The following PADI2 variants were observed in gnomAD, a reference collection of about 807,000 sequenced individuals.
PADI2 encodes peptidyl arginine deiminase 2, also known as protein-arginine deiminase type-2.
Under a neutral mutation model 81.1 loss-of-function variants are expected in PADI2, and 70 were observed. That is an observed-to-expected ratio of 0.86 (90% CI 0.71 to 1.05). The LOEUF (loss-of-function observed/expected upper bound fraction) is 1.05, where lower values mean the gene tolerates loss of function less well. Ranked by LOEUF, PADI2 falls within the 50% of genes least tolerant of loss-of-function variation. The pLI is 0.00. For missense variants in PADI2, 853 were observed against 889.9 expected (o/e 0.96, Z 0.53); for synonymous variants, 338 against 358.0 (o/e 0.94, Z 0.63).
At chr1:17,076,225 T>C (rs2078301419) in intron 11 of PADI2, among the ~76,000 whole-genome samples, 1 of 152,062 alleles carries the variant, frequency 6.6e-6, no homozygotes, top group South Asian at 2.1e-4. Flanking sequence ...ATCTTTTTTT[T>C]TTCCCCCGAG....
At chr1:17,087,488 G>GTTTATTTATTTATTTATTTATTTA (rs372378095) in intron 6 of PADI2, among the ~76,000 whole-genome samples, 117 of 137,172 alleles carry the variant, frequency 8.5e-4, no homozygotes, top group Middle Eastern at 3.6e-3. Flanking sequence ...ATGTTTGTTT[G>GTTTATTTATTTATTTATTTATTTA]TTTGTTTATT....
chr1:17,111,249 G>A (rs1931570028), intron 1 of PADI2, among the ~76,000 whole-genome samples: 1 of 151,758 alleles, frequency 6.6e-6, no homozygotes, highest in Non-Finnish European at 1.5e-5. Flanking sequence ...CACCACGCCT[G>A]GCTATTTTTA....
intron 10 of PADI2, among the ~76,000 whole-genome samples, chr1:17,080,488 G>A (rs2647193): frequency 0.053 from 8,127 of 152,262 alleles, 726 homozygotes; most frequent in African/African-American, 0.18. Context: ...ACCACCAGCA[G>A]CAATCAACAT....
Position 17,092,550 on chromosome 1 carries a change from G to A in PADI2, c.530-17C>T. On this transcript the variant is annotated splice_polypyrimidine_tract_variant and intron_variant, in intron 5 of 15. Coordinates refer to ENST00000375486, the MANE Select transcript of PADI2 (RefSeq NM_007365.3). Reference sequence around the variant, plus strand: ...CCTTGAGATCTGAGGGACAGAAGGTGAGAATGAAGAGATCTATCTGTTGCT... The same window carrying A: ...CCTTGAGATCTGAGGGACAGAAGGTAAGAATGAAGAGATCTATCTGTTGCT... 1.3e-6 allele frequency: 2 copies of A among 1,566,494 alleles called. No homozygotes were observed. Among genetic ancestry groups the A allele is most frequent in the Non-Finnish European group, 1.7e-6 (2 of 1,157,206 alleles).
intron 13 of PADI2, among the ~76,000 whole-genome samples, chr1:17,073,416 CA>C (rs55941211): frequency 0.48 from 61,115 of 127,006 alleles, 13,753 homozygotes; most frequent in Non-Finnish European, 0.55. Flanking sequence ...GACTGTGTCT[CA>C]AAAAAAAAAA....
chr1:17,070,819 G>A (rs1412666034), intron 14 of PADI2, among the ~76,000 whole-genome samples: 5 of 151,980 alleles, frequency 3.3e-5, no homozygotes, highest in South Asian at 2.1e-4. Flanking sequence ...CTGCCACCAC[G>A]CCAGGCTAAT....
chr1:17,092,527 T>C lies in PADI2; in HGVS notation c.536A>G (p.Lys179Arg), dbSNP rs1325410135. 1 of 1,593,520 alleles carries C rather than the reference T, an allele frequency of 6.3e-7. No homozygotes were observed. The highest frequency in any genetic ancestry group is 1.8e-5 in the Admixed American group (1 of 56,468). The change falls in exon 6 of 16, where the codon AAG (lysine) becomes AGG (arginine). Residue 179 changes from lysine to arginine, a missense_variant. By Grantham distance (26) the Lys-to-Arg change is conservative (BLOSUM62 2). Coordinates refer to ENST00000375486, the MANE Select transcript of PADI2 (RefSeq NM_007365.3). ...DEKVYSKEDLKDMSQMILRTK... is the reference protein window; with the variant it reads ...DEKVYSKEDLRDMSQMILRTK... ...CCGCAGGATCATCTGGGACATGTCC[T>C]TGAGATCTGAGGGACAGAAGGTGAG...
rs1440744412 is a variant in PADI2 at position 17,107,558 on chromosome 1, T to G, written c.93-2497A>C. On this transcript the variant is annotated intron_variant, in intron 1 of 15. Transcript: ENST00000375486. ...GGCCCAAGAATCTGCATTTCTAACATGCTTCCAGGAACTGTTGATGCTGCC... is the reference window on the plus strand; with the variant it reads ...GGCCCAAGAATCTGCATTTCTAACAGGCTTCCAGGAACTGTTGATGCTGCC... Among the ~76,000 whole-genome samples, 7 of 152,340 alleles carry G rather than the reference T, an allele frequency of 4.6e-5. 1 individual carries two copies. The East Asian group carries it at 7.7e-4, about 17-fold the overall frequency.
At chr1:17,071,570 G>GC in intron 13 of PADI2, 79 bp from the exon 14 acceptor site, 1 of 1,135,532 alleles carries the variant, frequency 8.8e-7, no homozygotes. Context: ...AGATCCTCCA[G>GC]GCCTGGGCTA....
chr1:17,085,626 T>C (rs1170612414), intron 7 of PADI2, among the ~76,000 whole-genome samples: 4 of 152,354 alleles, frequency 2.6e-5, no homozygotes, highest in African/African-American at 9.6e-5. Context: ...TATGGCAAAC[T>C]ACCCTTAACT....
intron 3 of PADI2, among the ~76,000 whole-genome samples, chr1:17,099,221 T>C (rs1302205166): frequency 6.6e-6 from 1 of 152,108 alleles, no homozygotes; most frequent in Non-Finnish European, 1.5e-5. Context: ...CTTGAGATGT[T>C]ATGGGAAGGA....
At chr1:17,097,182 G>T (rs529809871) in intron 3 of PADI2, among the ~76,000 whole-genome samples, 1 of 152,298 alleles carries the variant, frequency 6.6e-6, no homozygotes, top group East Asian at 1.9e-4. Context: ...GACCTGGTGG[G>T]CGCTGGGTGG....
chr1:17,079,343 G>T lies in PADI2; in HGVS notation c.1231C>A (p.Leu411Met). The part of the protein sequence containing the change: ...SVTSLDSFGN[L>M]EVSPPVTVNG... ...ACGGTCACTGGGGGACTGACCTCCAGGTTTCCAAATGAGTCAAGGCTGGTG... is the reference window on the plus strand; with the variant it reads ...ACGGTCACTGGGGGACTGACCTCCATGTTTCCAAATGAGTCAAGGCTGGTG... The change falls in exon 11 of 16, where the codon CTG (leucine) becomes ATG (methionine). Residue 411 changes from leucine (L) to methionine (M), a missense_variant. Physicochemically the swap from Leu to Met is conservative, Grantham distance 15. Transcript: ENST00000375486. The T allele has an allele frequency of 1.2e-6, 2 of 1,614,086 alleles. No homozygotes were observed. Among genetic ancestry groups the T allele is most frequent in the Non-Finnish European group, 1.7e-6 (2 of 1,179,950 alleles).
intron 4 of PADI2, among the ~76,000 whole-genome samples, chr1:17,094,169 G>T (rs975658736): frequency 1.2e-4 from 18 of 152,328 alleles, no homozygotes; most frequent in African/African-American, 4.3e-4. Flanking sequence ...GCCAGATTGT[G>T]TTGCTTCCCT....
chr1:17,074,537 A>T (rs927847383), intron 13 of PADI2, among the ~76,000 whole-genome samples: 6 of 152,190 alleles, frequency 3.9e-5, no homozygotes, highest in Non-Finnish European at 8.8e-5. Flanking sequence ...ACCCAGCTGC[A>T]TGTCAGTTTT....
chr1:17,104,426 C>CT (rs1233283967), intron 2 of PADI2, among the ~76,000 whole-genome samples: 2 of 98,292 alleles, frequency 2.0e-5, no homozygotes, highest in African/African-American at 7.6e-5. Flanking sequence ...TTCTTTTTGC[C>CT]TTTTCTTTTT....
At chr1:17,100,084 T>C (rs192005290) in intron 3 of PADI2, among the ~76,000 whole-genome samples, 6 of 152,092 alleles carry the variant, frequency 3.9e-5, no homozygotes, top group Admixed American at 3.9e-4. Context: ...CCCTGAGTGA[T>C]TGATTACTCA....
intron 3 of PADI2, among the ~76,000 whole-genome samples, chr1:17,101,104 A>G (rs1931126889): frequency 6.6e-6 from 1 of 152,016 alleles, no homozygotes; most frequent in Admixed American, 6.5e-5. Context: ...GCAGTTAAAT[A>G]AATAATTATT....
chr1:17,095,803 G>T, intron 4 of PADI2, 106 bp downstream of exon 4: 2 of 815,920 alleles, frequency 2.5e-6, no homozygotes, highest in Non-Finnish European at 4.1e-6. Flanking sequence ...AGCCTGTCTT[G>T]GGCTTTAGTC....
Sources: allele counts gnomAD v4.1 joint callset (sites outside exome capture counted in the v4.1 genomes callset), GRCh38; gene constraint gnomAD v4.1.1; transcripts MANE v1.5; gene names NCBI Gene and HGNC (gene_info 2026-07-23, HGNC 2026-07-21).